TMEM132B: variants seen among roughly 807,000 people sequenced by gnomAD.
The protein encoded by TMEM132B is transmembrane protein 132B.
A neutral mutation model predicts 90.8 loss-of-function variants in TMEM132B; 18 were observed. The ratio of observed to expected loss-of-function variants is 0.20; its 90% confidence interval spans 0.14 to 0.29. TMEM132B has a LOEUF of 0.29. Among genes scored for constraint, TMEM132B ranks in the 10% least tolerant of loss-of-function variants. TMEM132B has a pLI of 1.00. For missense variants in TMEM132B, 1,096 were observed against 1,326.8 expected (o/e 0.83, Z 2.70); for synonymous variants, 504 against 523.3 (o/e 0.96, Z 0.50).
chr12:125,624,284 C>CT (rs994870038), intron 5 of TMEM132B, among the ~76,000 whole-genome samples: 6 of 152,284 alleles, frequency 3.9e-5, no homozygotes, highest in African/African-American at 1.4e-4. Flanking sequence ...ACTTCCAGTG[C>CT]TGGTGAGGGG....
rs1887065429 is a variant in TMEM132B at position 125,656,522 on chromosome 12, T to A, written c.*1812T>A. 6.6e-6 allele frequency: 1 copy of A among 152,202 alleles called. No homozygotes were observed. Among genetic ancestry groups the A allele is most frequent in the Non-Finnish European group, 1.5e-5 (1 of 68,072 alleles). 9.4% of individuals were successfully genotyped at this position (152,202 alleles called of 1,614,324 possible). ...AATTGCAAGTGATGTAGGCCTGACC[T>A]CCAGAGCCCAGCGTTCAGTTAGTTG... On this transcript the variant is annotated 3_prime_UTR_variant, in exon 9 of 9. Transcript: ENST00000682704.
intron 1 of TMEM132B, among the ~76,000 whole-genome samples, chr12:125,208,092 T>C (rs1369530969): frequency 1.3e-5 from 2 of 152,204 alleles, no homozygotes; most frequent in African/African-American, 4.8e-5. Context: ...AACTTCTTCA[T>C]TGAACAGTTG....
chr12:125,577,536 A>G (rs1884967419), intron 4 of TMEM132B, among the ~76,000 whole-genome samples: 2 of 149,888 alleles, frequency 1.3e-5, no homozygotes, highest in African/African-American at 4.9e-5. Flanking sequence ...ATTATTTAAT[A>G]GTAAATACCA....
At chr12:125,550,321 T>G (rs1456016989) in intron 4 of TMEM132B, among the ~76,000 whole-genome samples, 2 of 152,206 alleles carry the variant, frequency 1.3e-5, no homozygotes, top group African/African-American at 4.8e-5. Context: ...GCCCTAGAGG[T>G]GGTAGCTGCT....
At chr12:125,511,259 A>G (rs985441843) in intron 3 of TMEM132B, among the ~76,000 whole-genome samples, 8 of 152,162 alleles carry the variant, frequency 5.3e-5, no homozygotes, top group Non-Finnish European at 1.0e-4. Context: ...ATAATATTCT[A>G]TTGTATAGAA....
At chr12:125,188,646 C>A (rs1957774719) in intron 1 of TMEM132B, among the ~76,000 whole-genome samples, 1 of 150,846 alleles carries the variant, frequency 6.6e-6, no homozygotes, top group African/African-American at 2.4e-5. Flanking sequence ...AAACCTGCTG[C>A]TGGCCGGCTC....
At position 125,349,318 on chromosome 12, in the gene TMEM132B, C is replaced by T; in HGVS notation, c.68-134C>T. ...ATACTTTATATAATTACAGGGCTTTCACTGTGATGAGACCTGGGGGAGAAA... is the reference window on the plus strand; with the variant it reads ...ATACTTTATATAATTACAGGGCTTTTACTGTGATGAGACCTGGGGGAGAAA... On this transcript the variant is annotated intron_variant, in intron 1 of 8. Coordinates refer to ENST00000682704, the MANE Select transcript of TMEM132B (RefSeq NM_001366854.1). The surrounding 1 kb of genome is among the most constrained non-coding windows in gnomAD (Gnocchi z 4.1). 4.2e-6 allele frequency: 4 copies of T among 942,408 alleles called. No homozygotes were observed. The highest frequency in any genetic ancestry group is 6.3e-6 in the Non-Finnish European group (4 of 635,794). 58.4% of individuals were successfully genotyped at this position (942,408 alleles called of 1,614,324 possible). A position where few individuals can be genotyped will look rare whatever the true frequency, so the allele number is the denominator to read the frequency against.
At chr12:125,243,048 C>CATACATATAT (rs1874118873) in intron 1 of TMEM132B, among the ~76,000 whole-genome samples, 1 of 141,826 alleles carries the variant, frequency 7.1e-6, no homozygotes, top group Admixed American at 7.1e-5. Context: ...CACACACACA[C>CATACATATAT]ACACATACAT....
At chr12:125,190,148 C>T (rs1390345881) in intron 1 of TMEM132B, among the ~76,000 whole-genome samples, 2 of 152,208 alleles carry the variant, frequency 1.3e-5, no homozygotes, top group Middle Eastern at 6.8e-3. Flanking sequence ...TTCAGGGTCA[C>T]ACAGTGAATT....
At chr12:125,643,966 T>C in intron 5 of TMEM132B, 110 bp from the exon 6 acceptor site, 1 of 928,144 alleles carries the variant, frequency 1.1e-6, no homozygotes. Context: ...TTGGGTTGTT[T>C]TGGTGTCTAA....
At chr12:125,545,707 A>C (rs1333443506) in intron 4 of TMEM132B, among the ~76,000 whole-genome samples, 1 of 152,204 alleles carries the variant, frequency 6.6e-6, no homozygotes, top group African/African-American at 2.4e-5. Context: ...TCTTGCCACC[A>C]TGAAGGGAGA....
intron 4 of TMEM132B, among the ~76,000 whole-genome samples, chr12:125,522,084 C>A (rs1364026911): frequency 6.6e-6 from 1 of 152,184 alleles, no homozygotes; most frequent in Admixed American, 6.5e-5. Context: ...CCTTTTGGCT[C>A]CCTCGGCCCA....
chr12:125,495,145 C>T (rs1882520693), intron 3 of TMEM132B, among the ~76,000 whole-genome samples: 1 of 124,414 alleles, frequency 8.0e-6, no homozygotes, highest in Non-Finnish European at 1.7e-5. Flanking sequence ...GTCCCTCTTC[C>T]CCCTACTCCC....
At chr12:125,360,128 G>C (rs1877913750) in intron 2 of TMEM132B, among the ~76,000 whole-genome samples, 1 of 152,150 alleles carries the variant, frequency 6.6e-6, no homozygotes, top group Admixed American at 6.5e-5. Context: ...TCTTGCCTGA[G>C]TCACTACATT....
At chr12:125,623,034 C>T (rs1457992944) in intron 5 of TMEM132B, among the ~76,000 whole-genome samples, 1 of 152,178 alleles carries the variant, frequency 6.6e-6, no homozygotes, top group Non-Finnish European at 1.5e-5. Flanking sequence ...GCTTGAGCAC[C>T]TGTGCCAATG....
chr12:125,422,041 AT>A (rs1337090591), intron 3 of TMEM132B, among the ~76,000 whole-genome samples: 51 of 152,326 alleles, frequency 3.3e-4, no homozygotes, highest in Non-Finnish European at 5.0e-4. Flanking sequence ...AACATGTAAT[AT>A]GTCTTTGAGG....
At chr12:125,331,797 A>G (rs1033088242) in intron 1 of TMEM132B, among the ~76,000 whole-genome samples, 2 of 152,238 alleles carry the variant, frequency 1.3e-5, no homozygotes, top group African/African-American at 4.8e-5. Context: ...TCTGTCGCCC[A>G]GGCTGGAGTG....
intron 4 of TMEM132B, among the ~76,000 whole-genome samples, chr12:125,549,657 TC>T (rs1884171319): frequency 6.6e-6 from 1 of 152,254 alleles, no homozygotes; most frequent in South Asian, 2.1e-4. Flanking sequence ...TTTTGTTTTA[TC>T]CCTACTTTGT....
At chr12:125,189,553 G>A (rs1180725895) in intron 1 of TMEM132B, among the ~76,000 whole-genome samples, 4 of 152,032 alleles carry the variant, frequency 2.6e-5, no homozygotes, top group Non-Finnish European at 5.9e-5. Flanking sequence ...GTGTGGCGCT[G>A]CCCTTCAGAG....
Sources: gnomAD v4.1 joint callset for allele counts (sites outside exome capture counted in the v4.1 genomes callset) on GRCh38, gnomAD v4.1.1 for gene constraint, Gnocchi (gnomAD v3.1) non-coding constraint, MANE v1.5 for transcripts, NCBI Gene and HGNC (gene_info 2026-07-23, HGNC 2026-07-21) for gene names.